The following KHSRP variants were observed in gnomAD, a reference collection of about 807,000 sequenced individuals.
KHSRP encodes far upstream element-binding protein 2.
In KHSRP, 13 loss-of-function variants were observed where a neutral mutation model predicts 94.9. The ratio of observed to expected loss-of-function variants is 0.14; its 90% CI spans 0.09 to 0.22. The LOEUF (loss-of-function observed/expected upper bound fraction) is 0.22, where lower values mean the gene tolerates loss of function less well. KHSRP is among the 10% of genes least tolerant of loss of function. The pLI is 1.00. For missense variants in KHSRP, 710 were observed against 1,010.0 expected, an observed-to-expected ratio of 0.70 and a Z score of 4.03; for synonymous variants, 495 against 401.4, an observed-to-expected ratio of 1.23 and a Z score of -2.79.
chr19:6,416,722 A>G lies in KHSRP; in HGVS notation c.1327+16T>C. On this transcript the variant is annotated intron_variant, in intron 13 of 18. Transcript: ENST00000600480. ...GAAGAGGGGGCAAGGGATAGGGTGC[A>G]GGGGGCCACACTCACCTCGGCCGAT... 6.2e-7 allele frequency: 1 copy of G among 1,606,964 alleles called. No homozygotes were observed. Among genetic ancestry groups the G allele is most frequent in the Non-Finnish European group, 8.5e-7 (1 of 1,175,570 alleles).
intron 2 of KHSRP, 28 bp downstream of exon 2, chr19:6,422,312 T>C (rs2092200013): frequency 6.6e-7 from 1 of 1,525,776 alleles, no homozygotes; most frequent in Non-Finnish European, 9.1e-7. Flanking sequence ...CCCTTCCTCC[T>C]AAGCTAAAGG....
At chr19:6,416,702 G>C (rs752889401) in intron 13 of KHSRP, 36 bp downstream of exon 13, 5 of 1,611,542 alleles carry the variant, frequency 3.1e-6, no homozygotes, top group Admixed American at 1.7e-5. Context: ...CCAGGGAAGA[G>C]GGGGCAAGGG....
chr19:6,424,503 GGCC>G lies in KHSRP; in HGVS notation c.196_198del (p.Gly66del). On this transcript the variant is annotated inframe_deletion, in exon 1 of 19. Transcript: ENST00000600480. ...GCGAAAGCGTCCTTGCGGATTCCCG[GGCC>G]GCCTCCGCCGGGTGGCTGAGAGGGG... The G allele has an allele frequency of 1.0e-6, 1 of 988,078 alleles. No individual in the cohort carries two copies. Among genetic ancestry groups the G allele is most frequent in the African/African-American group, 1.8e-5 (1 of 56,546 alleles). The allele number at this position is 988,078 out of a possible 1,614,324, so 61.2% of individuals were successfully genotyped here.
At position 6,424,739 on chromosome 19, in the gene KHSRP, T is replaced by TGAG. The variant is rs1379409397; in HGVS notation, c.-41_-39dup. On this transcript the variant is annotated 5_prime_UTR_variant, in exon 1 of 19. Coordinates refer to ENST00000600480, the MANE Select transcript of KHSRP (RefSeq NM_001366299.1). ...CCGGGCCTGGCGCGGAGGCTGAAGC[T>TGAG]GAGGAGGCGGCGGCGGCGGCGGCGG... The TGAG allele has an allele frequency of 8.4e-6, 8 of 952,776 alleles. No individual in the cohort carries two copies. The highest frequency in any genetic ancestry group is 1.8e-5 in the African/African-American group (1 of 56,052). 59.0% of individuals were successfully genotyped at this position (952,776 alleles called of 1,614,324 possible). A position where few individuals can be genotyped will look rare whatever the true frequency, so the allele number is the denominator to read the frequency against.
chr19:6,420,232 C>G (rs1422070438), intron 5 of KHSRP, 88 bp from the exon 6 acceptor site: 3 of 1,283,884 alleles, frequency 2.3e-6, no homozygotes, highest in Non-Finnish European at 2.2e-6. Context: ...GCCCCAGCCC[C>G]TCTGACGTTC....
At position 6,418,577 on chromosome 19, in the gene KHSRP, C is replaced by T. The variant is rs1013966576; in HGVS notation, c.785G>A (p.Arg262His). Reference protein sequence around the residue: ...GGETIKQLQERAGVKMILIQD... With the variant: ...GGETIKQLQEHAGVKMILIQD... ...AATTAAGATCATCTTCACTCCAGCG[C>T]GTTCCTTTACAAGCAAGGTTAACCG... Residue 262 changes from arginine to histidine, a missense_variant, in exon 9 of 19, where the codon CGC becomes CAC. By Grantham distance (29) the Arg-to-His change is conservative (BLOSUM62 0). Transcript: ENST00000600480. The surrounding 1 kb of genome is among the most constrained non-coding windows in gnomAD (Gnocchi z 4.3). The T allele has an allele frequency of 4.3e-6, 7 of 1,613,782 alleles. No individual in the cohort carries two copies. The highest frequency in any genetic ancestry group is 2.2e-5 in the East Asian group (1 of 44,894).
At chr19:6,423,278 AAAACAAAC>A (rs893840784) in intron 1 of KHSRP, among the ~76,000 whole-genome samples, 2 of 152,208 alleles carry the variant, frequency 1.3e-5, no homozygotes, top group African/African-American at 4.8e-5. Context: ...CTGTTTCCAA[AAAACAAAC>A]AAACAAACAA....
In KHSRP at chr19:6,417,865, A is replaced by C. The variant is rs1273721991; in HGVS notation, c.979-24T>G. 2.5e-6 allele frequency: 4 copies of C among 1,609,788 alleles called. No homozygotes were observed. The East Asian group carries it at 8.9e-5, about 36-fold the overall frequency. On this transcript the variant is annotated intron_variant, in intron 10 of 18. Transcript: ENST00000600480. ...ACCTGGGGAGGGAGGCAGCAGCGTC[A>C]GCTCGGCCCGCAGCTCTGCTGCCCT...
rs1232005135 is a variant in KHSRP at position 6,416,402 on chromosome 19, A to G, written c.1494T>C (p.Pro498=). Residue 498 remains proline, a synonymous_variant, in exon 15 of 19, where the codon CCT becomes CCC. Transcript: ENST00000600480. ...KQLIEEKIEG[P]LCPVGPGPGG... The stretch of plus-strand genomic sequence containing the variant: ...CTGGGCCTGGTCCAACTGGGCAGAG[A>G]GGACCCTAGAAGGAAGGAGAGTAAC... 4 of 1,613,318 alleles carry G rather than the reference A, an allele frequency of 2.5e-6. No individual in the cohort carries two copies. Among genetic ancestry groups the G allele is most frequent in the Non-Finnish European group, 3.4e-6 (4 of 1,179,714 alleles).
chr19:6,419,960 C>A (rs963955636), intron 6 of KHSRP, 113 bp downstream of exon 6: 10 of 798,052 alleles, frequency 1.3e-5, no homozygotes, highest in Non-Finnish European at 1.9e-5. Context: ...TAAGCACCAA[C>A]AAGCGCCAGC....
At chr19:6,422,792 T>C (rs1041110084) in intron 1 of KHSRP, among the ~76,000 whole-genome samples, 1 of 152,124 alleles carries the variant, frequency 6.6e-6, no homozygotes, top group Non-Finnish European at 1.5e-5. Flanking sequence ...TTTCAGACAC[T>C]TCCTCCTGCC....
At chr19:6,421,022 G>A (rs181791978) in intron 4 of KHSRP, 5 of 521,276 alleles carry the variant, frequency 9.6e-6, no homozygotes, top group Admixed American at 3.5e-5. Flanking sequence ...CCCAGCGGAG[G>A]AAGCCATAGG....
At chr19:6,421,381 G>A in intron 3 of KHSRP, 64 bp from the exon 4 acceptor site, 1 of 1,519,650 alleles carries the variant, frequency 6.6e-7, no homozygotes, top group Non-Finnish European at 9.0e-7. Flanking sequence ...GGCACTGCCT[G>A]CCCCGGGTCA....
chr19:6,420,541 A>C (rs1378064499), intron 4 of KHSRP, 70 bp from the exon 5 acceptor site: 1 of 1,450,356 alleles, frequency 6.9e-7, no homozygotes, highest in Non-Finnish European at 9.7e-7. Context: ...TGGAAGGTCT[A>C]CTTGAAGCCA....
chr19:6,421,034 T>G (rs1599243993), intron 4 of KHSRP: 1 of 548,928 alleles, frequency 1.8e-6, no homozygotes, highest in Non-Finnish European at 3.3e-6. Context: ...AGCCATAGGG[T>G]GCGGAGACCA....
rs1407051786 is a variant in KHSRP at position 6,414,129 on chromosome 19, A to T, written c.*895T>A. The T allele has an allele frequency of 3.0e-6, 4 of 1,311,692 alleles. No individual in the cohort carries two copies. Among genetic ancestry groups the T allele is most frequent in the Non-Finnish European group, 4.2e-6 (4 of 961,330 alleles). The allele number at this position is 1,311,692 out of a possible 1,614,324, so 81.3% of individuals were successfully genotyped here. On this transcript the variant is annotated 3_prime_UTR_variant, in exon 19 of 19. Coordinates refer to ENST00000600480, the MANE Select transcript of KHSRP (RefSeq NM_001366299.1). ...CATTCGATTCATTGAGCCTGCGGAGAGGGAAGAGATAGGAATTGGTCACTA... is the reference window on the plus strand; with the variant it reads ...CATTCGATTCATTGAGCCTGCGGAGTGGGAAGAGATAGGAATTGGTCACTA...
chr19:6,423,506 C>T (rs949838484), intron 1 of KHSRP, among the ~76,000 whole-genome samples: 1 of 152,264 alleles, frequency 6.6e-6, no homozygotes, highest in African/African-American at 2.4e-5. Flanking sequence ...TCCCCACCAA[C>T]TGACAGCACC....
In KHSRP at chr19:6,414,439, C is replaced by T. The variant is rs965745959; in HGVS notation, c.*585G>A. 4.0e-6 allele frequency: 5 copies of T among 1,243,102 alleles called. No individual in the cohort carries two copies. The highest frequency in any genetic ancestry group is 5.1e-6 in the Non-Finnish European group (5 of 990,030). The allele number at this position is 1,243,102 out of a possible 1,614,324, so 77.0% of individuals were successfully genotyped here. ...GAGGGCGGTGGCTCCCGGCGCAGCA[C>T]GACGACATGAACAATCCAGAGATCA... On this transcript the variant is annotated 3_prime_UTR_variant, in exon 19 of 19. Coordinates refer to ENST00000600480, the MANE Select transcript of KHSRP (RefSeq NM_001366299.1).
rs755671605 is a variant in KHSRP, at chr19:6,418,666, C to T, written c.780+36G>A. The T allele has an allele frequency of 2.7e-5, 44 of 1,613,444 alleles. No homozygotes were observed. The highest frequency in any genetic ancestry group is 8.9e-5 in the East Asian group (4 of 44,888). ...GGTGGTGGCGGTGGGGTGTGGCACA[C>T]GGATGCAGAGGAAGCTGCCCAGGTG... On this transcript the variant is annotated intron_variant, in intron 8 of 18. Coordinates refer to ENST00000600480, the MANE Select transcript of KHSRP (RefSeq NM_001366299.1). This position sits in a 1 kb window ranked among gnomAD's most constrained non-coding sequence, Gnocchi z 4.3.
Sources: gnomAD v4.1 joint callset for allele counts (sites outside exome capture counted in the v4.1 genomes callset) on GRCh38, gnomAD v4.1.1 for gene constraint, Gnocchi (gnomAD v3.1) non-coding constraint, MANE v1.5 for transcripts, NCBI Gene and HGNC (gene_info 2026-07-23, HGNC 2026-07-21) for gene names.